Variants in GRM3 observed in about 807,000 individuals in gnomAD.
The protein encoded by GRM3 is metabotropic glutamate receptor 3.
A neutral mutation model predicts 70.5 loss-of-function variants in GRM3; 26 were observed. The observed-to-expected ratio is 0.37, with a 90% CI of 0.27 to 0.51. GRM3 has a LOEUF of 0.51. Ranked by LOEUF, GRM3 falls within the 20% of genes least tolerant of loss-of-function variation. GRM3 has a pLI of 0.93. For missense variants in GRM3, 859 were observed against 1,123.8 expected (o/e 0.76, Z 3.37); for synonymous variants, 443 against 434.9 (o/e 1.02, Z -0.23).
chr7:86,808,483 C>CT (rs112935018), intron 3 of GRM3, among the ~76,000 whole-genome samples: 7,938 of 150,856 alleles, frequency 0.053, 650 homozygotes, highest in African/African-American at 0.18. Context: ...TCTTCTGTAG[C>CT]TTTTTTTTTC....
intron 4 of GRM3, among the ~76,000 whole-genome samples, chr7:86,848,710 C>A (rs1798703098): frequency 6.6e-6 from 1 of 152,084 alleles, no homozygotes; most frequent in Non-Finnish European, 1.5e-5. Context: ...CCATGCATAC[C>A]ATTCACATAA....
At chr7:86,730,762 C>A (rs1795714921) in intron 1 of GRM3, among the ~76,000 whole-genome samples, 2 of 152,178 alleles carry the variant, frequency 1.3e-5, no homozygotes, top group East Asian at 1.9e-4. Flanking sequence ...TAAACCTTAG[C>A]ATTATGTTTT....
chr7:86,742,146 C>T (rs1045984285), intron 1 of GRM3, among the ~76,000 whole-genome samples: 2 of 152,164 alleles, frequency 1.3e-5, no homozygotes. Context: ...GATGGAACCT[C>T]AGCTAGTGCT....
At chr7:86,663,680 A>G (rs1562817792) in intron 1 of GRM3, among the ~76,000 whole-genome samples, 1 of 151,990 alleles carries the variant, frequency 6.6e-6, no homozygotes, top group Non-Finnish European at 1.5e-5. Context: ...AAGGCTTTAG[A>G]TACATCGTTA....
intron 3 of GRM3, among the ~76,000 whole-genome samples, chr7:86,795,316 T>TTATTC (rs1797524255): frequency 6.6e-6 from 1 of 150,450 alleles, no homozygotes; most frequent in Non-Finnish European, 1.5e-5. Context: ...TTATTTTATT[T>TTATTC]TATGTTCCAG....
intron 1 of GRM3, among the ~76,000 whole-genome samples, chr7:86,654,243 C>T (rs1793677845): frequency 6.6e-6 from 1 of 152,062 alleles, no homozygotes; most frequent in Admixed American, 6.5e-5. Flanking sequence ...TTTGTGCTCC[C>T]TCTTTGCCTT....
At chr7:86,682,745 T>C (rs1216882728) in intron 1 of GRM3, among the ~76,000 whole-genome samples, 1 of 152,184 alleles carries the variant, frequency 6.6e-6, no homozygotes, top group Non-Finnish European at 1.5e-5. Context: ...CAACTATTTA[T>C]TGAGCTCTTG....
rs537356930 is a variant in GRM3, at chr7:86,864,651, CAA to C, written c.*308_*309del. ...TCTACTAAAAAACAAAAAAAAAAAACAAAAAAAAAAAAACAAAAGAAAAAAAT... is the reference window on the plus strand; with the variant it reads ...TCTACTAAAAAACAAAAAAAAAAAACAAAAAAAAAAACAAAAGAAAAAAAT... On this transcript the variant is annotated 3_prime_UTR_variant, in exon 6 of 6. Coordinates refer to ENST00000361669, the MANE Select transcript of GRM3 (RefSeq NM_000840.3). 2.7e-4 allele frequency: 27 copies of C among 101,800 alleles called. No homozygotes were observed. The highest frequency in any genetic ancestry group is 3.3e-4 in the Admixed American group (3 of 9,012). 6.3% of individuals were successfully genotyped at this position (101,800 alleles called of 1,614,324 possible).
rs554104051 is a variant in GRM3, at chr7:86,756,542, ATTAAG to A, written c.-140-8460_-140-8456del. 4.2e-4 allele frequency among the ~76,000 whole-genome samples: 64 copies of A among 152,272 alleles called. No individual in the cohort carries two copies. In the East Asian group the frequency reaches 0.01, roughly 24 times the overall value. ...CCCAGAACTTCAAAGGTGCCATTTCATTAAGTTATTTTTTCTGATAAGTCAGCTAT... is the reference window on the plus strand; with the variant it reads ...CCCAGAACTTCAAAGGTGCCATTTCATTATTTTTTCTGATAAGTCAGCTAT... On this transcript the variant is annotated intron_variant, in intron 1 of 5. Transcript: ENST00000361669.
chr7:86,845,261 A>G (rs963491999), intron 4 of GRM3, among the ~76,000 whole-genome samples: 4 of 152,302 alleles, frequency 2.6e-5, no homozygotes, highest in African/African-American at 4.8e-5. Context: ...AAAGAGGATC[A>G]GTGTTACTTA....
rs1472358745 is a variant in GRM3, at chr7:86,644,621, G to C, written c.-392G>C. 19 of 446,536 alleles carry C rather than the reference G, an allele frequency of 4.3e-5. No homozygotes were observed. The highest frequency in any genetic ancestry group is 2.5e-4 in the South Asian group (15 of 60,392). 27.7% of individuals were successfully genotyped at this position (446,536 alleles called of 1,614,324 possible). ...TCGGATGCCTGGATGTTCTGCCACCGGGCAGTGGTCCAGCGTGCAGCCGGG... is the reference window on the plus strand; with the variant it reads ...TCGGATGCCTGGATGTTCTGCCACCCGGCAGTGGTCCAGCGTGCAGCCGGG... On this transcript the variant is annotated 5_prime_UTR_variant, in exon 1 of 6. Coordinates refer to ENST00000361669, the MANE Select transcript of GRM3 (RefSeq NM_000840.3).
chr7:86,737,451 C>T (rs916211674), intron 1 of GRM3, among the ~76,000 whole-genome samples: 2 of 152,184 alleles, frequency 1.3e-5, no homozygotes, highest in Non-Finnish European at 2.9e-5. Flanking sequence ...TCTCTGAACA[C>T]TGGCTACTGC....
intron 2 of GRM3, among the ~76,000 whole-genome samples, chr7:86,785,313 T>G (rs979301307): frequency 6.6e-6 from 1 of 152,214 alleles, no homozygotes; most frequent in African/African-American, 2.4e-5. Context: ...TTTGTAAATA[T>G]ATATCTCTTC....
chr7:86,769,751 A>G (rs1311607465), intron 2 of GRM3, among the ~76,000 whole-genome samples: 1 of 152,192 alleles, frequency 6.6e-6, no homozygotes, highest in Non-Finnish European at 1.5e-5. Context: ...CAATGCTCTT[A>G]TTAAGTACAA....
chr7:86,753,726 C>A (rs1026245593), intron 1 of GRM3, among the ~76,000 whole-genome samples: 1 of 152,094 alleles, frequency 6.6e-6, no homozygotes, highest in Non-Finnish European at 1.5e-5. Context: ...ATTGCCTTCC[C>A]AATCAATTTC....
intron 2 of GRM3, chr7:86,784,558 C>T (rs1584241203): frequency 6.6e-6 from 1 of 152,162 alleles, no homozygotes; most frequent in African/African-American, 2.4e-5. Flanking sequence ...AATGACAGTA[C>T]CTGTTTGGTG....
At chr7:86,819,149 T>C (rs1798070934) in intron 3 of GRM3, among the ~76,000 whole-genome samples, 1 of 152,110 alleles carries the variant, frequency 6.6e-6, no homozygotes, top group Non-Finnish European at 1.5e-5. Context: ...CCAGAGATGC[T>C]TGAAGCCATT....
chr7:86,670,788 G>A (rs1794151917), intron 1 of GRM3, among the ~76,000 whole-genome samples: 1 of 152,084 alleles, frequency 6.6e-6, no homozygotes, highest in East Asian at 1.9e-4. Flanking sequence ...TTCACTGGGT[G>A]GCTCTAATTT....
Position 86,765,300 on chromosome 7 carries a change from C to G in GRM3, c.155C>G (p.Thr52Ser). 1 of 1,613,792 alleles carries G rather than the reference C, an allele frequency of 6.2e-7. No individual in the cohort carries two copies. Among genetic ancestry groups the G allele is most frequent in the Non-Finnish European group, 8.5e-7 (1 of 1,179,838 alleles). ...GGLFPINEKG[T>S]GTEECGRINE... ...CTGTTTCCTATTAACGAAAAAGGCA[C>G]TGGAACTGAAGAATGTGGGCGAATC... Residue 52 changes from threonine to serine, a missense_variant, in exon 2 of 6, where the codon ACT becomes AGT. Physicochemically the swap from Thr to Ser is moderately conservative, Grantham distance 58. Coordinates refer to ENST00000361669, the MANE Select transcript of GRM3 (RefSeq NM_000840.3).
Sources: allele counts gnomAD v4.1 joint callset (sites outside exome capture counted in the v4.1 genomes callset), GRCh38; gene constraint gnomAD v4.1.1; transcripts MANE v1.5; gene names NCBI Gene and HGNC (gene_info 2026-07-23, HGNC 2026-07-21).